DCLK2: variants seen among roughly 807,000 people sequenced by gnomAD.
The protein encoded by DCLK2 is doublecortin like kinase 2.
In DCLK2, 31 loss-of-function variants were observed where a neutral mutation model predicts 78.4. That is an observed-to-expected ratio of 0.40 (90% CI 0.30 to 0.53). The LOEUF is 0.53. Ranked by LOEUF, DCLK2 falls within the 20% of genes least tolerant of loss-of-function variation. The pLI, the probability that DCLK2 is intolerant of heterozygous loss-of-function variation, is 0.61. For missense variants in DCLK2, 872 were observed against 973.7 expected, an observed-to-expected ratio of 0.90 and a Z score of 1.39; for synonymous variants, 407 against 374.9, an observed-to-expected ratio of 1.09 and a Z score of -0.99.
chr4:150,210,063 A>G (rs916825137), intron 5 of DCLK2, among the ~76,000 whole-genome samples: 2 of 152,206 alleles, frequency 1.3e-5, no homozygotes, highest in South Asian at 2.1e-4. Flanking sequence ...CTACAGGGCA[A>G]GACTCTGACT....
intron 2 of DCLK2, among the ~76,000 whole-genome samples, chr4:150,159,561 T>A (rs76081381): frequency 0.028 from 4,243 of 152,202 alleles, 162 homozygotes; most frequent in African/African-American, 0.093. Flanking sequence ...AAGCTGAGAG[T>A]GTGGGCTTCT....
intron 15 of DCLK2, chr4:150,253,311 C>T (rs1744322591): frequency 1.5e-6 from 1 of 687,106 alleles, no homozygotes. Flanking sequence ...GTTGAATCAT[C>T]AGATAACTTA....
intron 1 of DCLK2, among the ~76,000 whole-genome samples, chr4:150,101,463 A>G (rs1193749473): frequency 6.6e-6 from 1 of 152,096 alleles, no homozygotes; most frequent in Non-Finnish European, 1.5e-5. Flanking sequence ...AGTATTTATA[A>G]TATTTAAGGT....
intron 1 of DCLK2, among the ~76,000 whole-genome samples, chr4:150,079,770 C>T (rs992790947): frequency 6.6e-6 from 1 of 152,164 alleles, no homozygotes; most frequent in Non-Finnish European, 1.5e-5. Context: ...AATGGTTCTC[C>T]CATGGGGAGC....
chr4:150,102,090 A>G (rs1339784453), intron 1 of DCLK2, among the ~76,000 whole-genome samples: 3 of 152,222 alleles, frequency 2.0e-5, no homozygotes, highest in African/African-American at 7.2e-5. Context: ...TTCTACCAGA[A>G]TGAGATTTCT....
chr4:150,171,494 A>G (rs1736528515), intron 2 of DCLK2, among the ~76,000 whole-genome samples: 1 of 152,212 alleles, frequency 6.6e-6, no homozygotes, highest in South Asian at 2.1e-4. Flanking sequence ...AAAAAAATTA[A>G]TTTTAGTTGA....
At chr4:150,181,277 A>G (rs933676162) in intron 2 of DCLK2, among the ~76,000 whole-genome samples, 2 of 152,130 alleles carry the variant, frequency 1.3e-5, no homozygotes, top group Non-Finnish European at 2.9e-5. Context: ...TTCTGCCCCT[A>G]CAGTTCCAGC....
rs997195979 is a variant in DCLK2, at chr4:150,079,093, G to T, written c.66G>T (p.Gly22=). ...FEERDKRPRP[G]SRRGAPSSSG... ...AACGGGACAAAAGGCCGCGGCCGGGGTCGCGGAGAGGGGCCCCCAGCTCCT... is the reference window on the plus strand; with the variant it reads ...AACGGGACAAAAGGCCGCGGCCGGGTTCGCGGAGAGGGGCCCCCAGCTCCT... Residue 22 remains glycine, a synonymous_variant, in exon 1 of 16, where the codon GGG becomes GGT. Coordinates refer to ENST00000296550, the MANE Select transcript of DCLK2 (RefSeq NM_001040260.4). 2.3e-5 allele frequency: 36 copies of T among 1,564,770 alleles called. No homozygotes were observed. The highest frequency in any genetic ancestry group is 2.8e-5 in the Non-Finnish European group (33 of 1,158,970).
intron 5 of DCLK2, among the ~76,000 whole-genome samples, chr4:150,204,846 C>T (rs1169907856): frequency 1.3e-5 from 2 of 151,472 alleles, no homozygotes; most frequent in Non-Finnish European, 1.5e-5. Flanking sequence ...GAGCCGAGAT[C>T]GCGCCGCTGC....
At chr4:150,107,048 G>A (rs1006037555) in intron 2 of DCLK2, among the ~76,000 whole-genome samples, 2 of 152,146 alleles carry the variant, frequency 1.3e-5, no homozygotes, top group African/African-American at 2.4e-5. Flanking sequence ...GTTGAAGCTG[G>A]GGTTGGGGAT....
chr4:150,135,060 A>G (rs902700976), intron 2 of DCLK2, among the ~76,000 whole-genome samples: 2 of 152,096 alleles, frequency 1.3e-5, no homozygotes, highest in Non-Finnish European at 2.9e-5. Context: ...TCTGCTTAGT[A>G]TGCTTTTGAA....
intron 15 of DCLK2, among the ~76,000 whole-genome samples, chr4:150,254,737 G>A (rs774658126): frequency 2.0e-5 from 3 of 152,158 alleles, no homozygotes; most frequent in Non-Finnish European, 4.4e-5. Flanking sequence ...CTGGAGTGCG[G>A]TGGTGTGATC....
At chr4:150,196,794 T>C (rs567470560) in intron 3 of DCLK2, among the ~76,000 whole-genome samples, 1 of 152,374 alleles carries the variant, frequency 6.6e-6, no homozygotes, top group East Asian at 1.9e-4. Flanking sequence ...GTGATTACTT[T>C]AGCAATACTT....
intron 1 of DCLK2, among the ~76,000 whole-genome samples, chr4:150,096,348 A>G (rs1056983556): frequency 1.3e-5 from 2 of 152,226 alleles, no homozygotes; most frequent in African/African-American, 4.8e-5. Context: ...CGTTTTAGAT[A>G]TGTAGCATGT....
At chr4:150,111,039 A>C (rs1731654556) in intron 2 of DCLK2, among the ~76,000 whole-genome samples, 1 of 152,154 alleles carries the variant, frequency 6.6e-6, no homozygotes, top group African/African-American at 2.4e-5. Flanking sequence ...ATCTACTTTT[A>C]GTTCTTTAAG....
At chr4:150,115,807 A>G (rs1270375784) in intron 2 of DCLK2, among the ~76,000 whole-genome samples, 1 of 152,174 alleles carries the variant, frequency 6.6e-6, no homozygotes, top group African/African-American at 2.4e-5. Flanking sequence ...TTGTTTACTC[A>G]GTTGAACAGT....
intron 2 of DCLK2, among the ~76,000 whole-genome samples, chr4:150,187,036 C>T (rs375574425): frequency 1.5e-4 from 23 of 152,068 alleles, no homozygotes; most frequent in African/African-American, 3.9e-4. Flanking sequence ...AAAATAAGAT[C>T]GATGTGCTTA....
intron 2 of DCLK2, among the ~76,000 whole-genome samples, chr4:150,144,597 TTTG>T (rs1488233174): frequency 6.6e-5 from 10 of 152,148 alleles, no homozygotes; most frequent in African/African-American, 2.4e-4. Flanking sequence ...TTAGGATTGT[TTTG>T]TTTTGAGACA....
At chr4:150,187,803 CT>C (rs11415812) in intron 2 of DCLK2, among the ~76,000 whole-genome samples, 29 of 137,536 alleles carry the variant, frequency 2.1e-4, no homozygotes, top group East Asian at 2.2e-4. Flanking sequence ...CTCAGTTGTA[CT>C]TTTTTTTTTT....
Sources: gnomAD v4.1 joint callset for allele counts (sites outside exome capture counted in the v4.1 genomes callset) on GRCh38, gnomAD v4.1.1 for gene constraint, MANE v1.5 for transcripts, NCBI Gene and HGNC (gene_info 2026-07-23, HGNC 2026-07-21) for gene names.